The following KCNH7 variants were observed in gnomAD, a reference collection of about 807,000 sequenced individuals.
KCNH7 encodes the protein potassium voltage-gated channel subfamily H member 7.
In KCNH7, 49 loss-of-function variants were observed where a neutral mutation model predicts 120.8. That is an observed-to-expected ratio of 0.41 (90% CI 0.32 to 0.51). The LOEUF (loss-of-function observed/expected upper bound fraction) is 0.51, where lower values mean the gene tolerates loss of function less well. Among genes scored for constraint, KCNH7 ranks in the 20% least tolerant of loss-of-function variants. The pLI is 0.38. For synonymous variants in KCNH7, 547 were observed against 516.1 expected (o/e 1.06, Z -0.81); for missense variants, 1,097 against 1,446.6 (o/e 0.76, Z 3.92).
chr2:162,755,542 C>T (rs1688760748), intron 2 of KCNH7, among the ~76,000 whole-genome samples: 1 of 152,016 alleles, frequency 6.6e-6, no homozygotes, highest in African/African-American at 2.4e-5. Flanking sequence ...TTTGTTTACC[C>T]ACATGTTTCA....
At position 162,400,439 on chromosome 2, in the gene KCNH7, G is replaced by T. The variant is rs16846665; in HGVS notation, c.2157C>A (p.Val719=). The change falls in exon 10 of 16, where the codon GTC becomes GTA. Residue 719 remains valine, a splice_region_variant and synonymous_variant. Transcript: ENST00000332142. The part of the protein sequence containing the change: ...TYTNGIDMNM[V]LKGFPECLQA... ...GTAAGCATTCTGGGAAACCCTTTAG[G>T]ACCTGAGGAAAAAAAGAAAGAGTTT... 0.012 allele frequency: 18,745 copies of T among 1,610,982 alleles called. 1,585 individuals carry two copies. The Admixed American group carries it at 0.19, about 16-fold the overall frequency.
intron 9 of KCNH7, among the ~76,000 whole-genome samples, chr2:162,406,812 G>A (rs1416879333): frequency 6.6e-6 from 1 of 151,902 alleles, no homozygotes; most frequent in Non-Finnish European, 1.5e-5. Context: ...AAAAGCTAAC[G>A]TCCCAACATA....
rs372557729 is a variant in KCNH7 at position 162,551,380 on chromosome 2, G to A, written c.308-14300C>T. On this transcript the variant is annotated intron_variant, in intron 2 of 15. Coordinates refer to ENST00000332142, the MANE Select transcript of KCNH7 (RefSeq NM_033272.4). ...GAATGAAAAAACAAGCAGTAATTTA[G>A]GGTTTTTTCTTTTTTTCAAAATGAA... Among the ~76,000 whole-genome samples, 79 of 152,022 alleles carry A rather than the reference G, an allele frequency of 5.2e-4. 3 individuals carry two copies. In the South Asian group the frequency reaches 5.6e-3, roughly 11 times the overall value.
At chr2:162,611,436 G>A (rs924894009) in intron 2 of KCNH7, among the ~76,000 whole-genome samples, 1 of 152,088 alleles carries the variant, frequency 6.6e-6, no homozygotes, top group African/African-American at 2.4e-5. Context: ...TCTGCTCTCC[G>A]ATACTCAGAT....
At chr2:162,589,761 A>G (rs1192123423) in intron 2 of KCNH7, among the ~76,000 whole-genome samples, 1 of 152,134 alleles carries the variant, frequency 6.6e-6, no homozygotes, top group African/African-American at 2.4e-5. Context: ...ACATAAGAAG[A>G]CACCAAATTT....
intron 2 of KCNH7, among the ~76,000 whole-genome samples, chr2:162,553,476 C>T (rs572742385): frequency 3.4e-4 from 51 of 152,148 alleles, no homozygotes; most frequent in African/African-American, 1.2e-3. Context: ...GGTGAAACCC[C>T]GTCTCTACTA....
intron 2 of KCNH7, among the ~76,000 whole-genome samples, chr2:162,679,921 A>G (rs1013565225): frequency 1.3e-5 from 2 of 151,806 alleles, no homozygotes; most frequent in Admixed American, 1.3e-4. Flanking sequence ...TTACAAATTT[A>G]AGGCAATAAA....
chr2:162,646,289 G>A (rs756016187), intron 2 of KCNH7, among the ~76,000 whole-genome samples: 2 of 152,180 alleles, frequency 1.3e-5, no homozygotes, highest in African/African-American at 2.4e-5. Context: ...CCATCACACT[G>A]TAATAGAGGA....
At chr2:162,518,179 G>A (rs377396561) in intron 3 of KCNH7, 21 bp from the exon 4 acceptor site, 1 of 1,565,936 alleles carries the variant, frequency 6.4e-7, no homozygotes, top group Non-Finnish European at 8.7e-7. Flanking sequence ...AGACAGGAGA[G>A]AGCATTATTA....
rs967459572 is a variant in KCNH7, at chr2:162,603,561, G to A, written c.308-66481C>T. On this transcript the variant is annotated intron_variant, in intron 2 of 15. Transcript: ENST00000332142. ...AACAGTTTCTAAAAAACAAGTAAAA[G>A]CTGGGTATGGTGGCACACACCTCTT... Among the ~76,000 whole-genome samples, 7 of 152,196 alleles carry A rather than the reference G, an allele frequency of 4.6e-5. No homozygotes were observed. In the East Asian group the frequency reaches 9.7e-4, roughly 21 times the overall value.
intron 6 of KCNH7, among the ~76,000 whole-genome samples, chr2:162,456,966 A>T (rs2105591205): frequency 6.6e-6 from 1 of 152,188 alleles, no homozygotes; most frequent in East Asian, 1.9e-4. Context: ...TTAGAATTAC[A>T]GAATTATTAT....
chr2:162,567,973 C>T (rs545891019), intron 2 of KCNH7, among the ~76,000 whole-genome samples: 33 of 152,098 alleles, frequency 2.2e-4, no homozygotes, highest in Non-Finnish European at 4.3e-4. Flanking sequence ...TCCATTCTCA[C>T]GTTGCTAATA....
chr2:162,802,778 A>G (rs1281208545), intron 2 of KCNH7, among the ~76,000 whole-genome samples: 1 of 151,952 alleles, frequency 6.6e-6, no homozygotes, highest in Non-Finnish European at 1.5e-5. Flanking sequence ...TTGATACATA[A>G]AGAACATCTC....
At chr2:162,601,977 TAA>T (rs971525581) in intron 2 of KCNH7, among the ~76,000 whole-genome samples, 8 of 152,108 alleles carry the variant, frequency 5.3e-5, no homozygotes, top group African/African-American at 1.9e-4. Context: ...TTGAATGCTA[TAA>T]GTCTCACTGG....
Position 162,697,735 on chromosome 2 carries a change from A to G in KCNH7, c.307+138802T>C, listed in dbSNP as rs527531557. Among the ~76,000 whole-genome samples, 3 of 152,228 alleles carry G rather than the reference A, an allele frequency of 2.0e-5. No homozygotes were observed. The East Asian group carries it at 5.8e-4, about 29-fold the overall frequency. On this transcript the variant is annotated intron_variant, in intron 2 of 15. Transcript: ENST00000332142. ...GATTTTCTGTGTCAGTGCTTTATTTATTAATATTCCAAAATAATAATAATA... is the reference window on the plus strand; with the variant it reads ...GATTTTCTGTGTCAGTGCTTTATTTGTTAATATTCCAAAATAATAATAATA...
At chr2:162,552,191 A>T (rs983170115) in intron 2 of KCNH7, among the ~76,000 whole-genome samples, 5 of 152,320 alleles carry the variant, frequency 3.3e-5, no homozygotes, top group African/African-American at 1.2e-4. Context: ...AGTCTCCATA[A>T]CTACCTTGCT....
In KCNH7 at chr2:162,530,471, C is replaced by T. The variant is rs561510128; in HGVS notation, c.463+6454G>A. Reference sequence around the variant, plus strand: ...ACACGCTAGTGTGCGCGAGCGTGCGCGCACACACACACACACACACACAAT... The same window carrying T: ...ACACGCTAGTGTGCGCGAGCGTGCGTGCACACACACACACACACACACAAT... On this transcript the variant is annotated intron_variant, in intron 3 of 15. Transcript: ENST00000332142. Among the ~76,000 whole-genome samples, 428 of 148,988 alleles carry T rather than the reference C, an allele frequency of 2.9e-3. 6 individuals carry two copies. Among genetic ancestry groups the T allele is most frequent in the African/African-American group, 8.2e-3 (323 of 39,192 alleles).
At chr2:162,727,484 C>T (rs986703405) in intron 2 of KCNH7, among the ~76,000 whole-genome samples, 5 of 152,096 alleles carry the variant, frequency 3.3e-5, no homozygotes, top group Non-Finnish European at 2.9e-5. Flanking sequence ...AGTTGATCTT[C>T]GTCACCCCAC....
At chr2:162,471,116 C>T (rs932551916) in intron 6 of KCNH7, among the ~76,000 whole-genome samples, 2 of 152,068 alleles carry the variant, frequency 1.3e-5, no homozygotes, top group Admixed American at 6.6e-5. Flanking sequence ...TGCGGAGGGC[C>T]GCAGGGTCCT....
Sources: gnomAD v4.1 joint callset for allele counts (sites outside exome capture counted in the v4.1 genomes callset) on GRCh38, gnomAD v4.1.1 for gene constraint, MANE v1.5 for transcripts, NCBI Gene and HGNC (gene_info 2026-07-23, HGNC 2026-07-21) for gene names.